Variants in ARHGAP19 observed in about 807,000 individuals in gnomAD.
The protein encoded by ARHGAP19 is rho GTPase-activating protein 19.
Under a neutral mutation model 60.9 loss-of-function variants are expected in ARHGAP19, and 48 were observed. That is an observed-to-expected ratio of 0.79 (90% CI 0.62 to 1.00). ARHGAP19 has a LOEUF of 1.00. Among genes scored for constraint, ARHGAP19 ranks in the 50% least tolerant of loss-of-function variants. ARHGAP19 has a pLI of 0.00. For synonymous variants in ARHGAP19, 209 were observed against 215.5 expected, an observed-to-expected ratio of 0.97 and a Z score of 0.27; for missense variants, 562 against 597.2, an observed-to-expected ratio of 0.94 and a Z score of 0.61.
intron 1 of ARHGAP19, 55 bp from the exon 2 acceptor site, chr10:97,266,180 C>A: frequency 6.3e-7 from 1 of 1,593,312 alleles, no homozygotes; most frequent in Non-Finnish European, 8.5e-7. Context: ...GTTTCTTATG[C>A]ACTACTCATT....
In ARHGAP19 at chr10:97,259,619, T is replaced by C. The variant is rs1456218224; in HGVS notation, c.623A>G (p.Gln208Arg). 1 of 1,613,754 alleles carries C rather than the reference T, an allele frequency of 6.2e-7. No individual in the cohort carries two copies. The highest frequency in any genetic ancestry group is 8.5e-7 in the Non-Finnish European group (1 of 1,179,818). ...NAHLKIADLM[Q>R]FDDKGNKTNI... ...GGTCTTGTTTCCTTTATCATCAAACTGCATCAAATCTTGAGGACAAAAGAG... is the reference window on the plus strand; with the variant it reads ...GGTCTTGTTTCCTTTATCATCAAACCGCATCAAATCTTGAGGACAAAAGAG... Residue 208 changes from glutamine (Q) to arginine (R), a missense_variant, in exon 5 of 12, where the codon CAG (glutamine) becomes CGG (arginine). Transcript: ENST00000358531.
intron 1 of ARHGAP19, among the ~76,000 whole-genome samples, chr10:97,267,176 G>C (rs1347526413): frequency 6.6e-6 from 1 of 152,216 alleles, no homozygotes; most frequent in Non-Finnish European, 1.5e-5. Flanking sequence ...CCAAATGGGA[G>C]AAATTGGCCA....
At chr10:97,237,916 T>C (rs1182541516) in intron 8 of ARHGAP19, among the ~76,000 whole-genome samples, 1 of 152,082 alleles carries the variant, frequency 6.6e-6, no homozygotes, top group Non-Finnish European at 1.5e-5. Flanking sequence ...ATAATGTTAC[T>C]GGTTTATGTA....
At chr10:97,262,245 G>GGGACTGGGT (rs1564722984) in intron 4 of ARHGAP19, among the ~76,000 whole-genome samples, 1 of 151,636 alleles carries the variant, frequency 6.6e-6, no homozygotes, top group Non-Finnish European at 1.5e-5. Context: ...ACTGGTGTTG[G>GGGACTGGGT]GGACTGGGTG....
In ARHGAP19 at chr10:97,224,835, A is replaced by G. The variant is rs950450966; in HGVS notation, c.*1287T>C. On this transcript the variant is annotated 3_prime_UTR_variant, in exon 12 of 12. Coordinates refer to ENST00000358531, the MANE Select transcript of ARHGAP19 (RefSeq NM_032900.6). ...TAGGTCAAAGCCATGCCACTGCTCT[A>G]TCCAACACAAGTGAACACACCAAAT... The G allele has an allele frequency of 2.6e-5, 4 of 152,334 alleles. No individual in the cohort carries two copies. Among genetic ancestry groups the G allele is most frequent in the African/African-American group, 9.7e-5 (4 of 41,450 alleles). The allele number at this position is 152,334 out of a possible 1,614,324, so 9.4% of individuals were successfully genotyped here. A position where few individuals can be genotyped will look rare whatever the true frequency, so the allele number is the denominator to read the frequency against.
rs1166053974 is a variant in ARHGAP19 at position 97,222,723 on chromosome 10, T to C, written c.*3399A>G. ...AAATGCTAGTATCTAGGTTTAGATC[T>C]AGGTCCTGTCTTCCGTTTGAAGCCT... is the stretch of plus-strand genomic sequence containing the variant. On this transcript the variant is annotated 3_prime_UTR_variant, in exon 12 of 12. Transcript: ENST00000358531. The C allele has an allele frequency of 1.3e-5, 2 of 152,188 alleles. No homozygotes were observed. Among genetic ancestry groups the C allele is most frequent in the South Asian group, 2.1e-4 (1 of 4,830 alleles). The allele number at this position is 152,188 out of a possible 1,614,324, so 9.4% of individuals were successfully genotyped here.
chr10:97,226,094 T>C lies in ARHGAP19; in HGVS notation c.*28A>G. 1.9e-6 allele frequency: 3 copies of C among 1,612,910 alleles called. No homozygotes were observed. Among genetic ancestry groups the C allele is most frequent in the Non-Finnish European group, 2.5e-6 (3 of 1,179,200 alleles). On this transcript the variant is annotated 3_prime_UTR_variant, in exon 12 of 12. Coordinates refer to ENST00000358531, the MANE Select transcript of ARHGAP19 (RefSeq NM_032900.6). ...TGCCCACTAAACAGAAAATTCTGCA[T>C]GGACCATAGGAGACAACTCTGGATC...
intron 1 of ARHGAP19, among the ~76,000 whole-genome samples, chr10:97,280,793 C>A (rs952180702): frequency 5.3e-5 from 8 of 152,102 alleles, no homozygotes; most frequent in Non-Finnish European, 1.2e-4. Flanking sequence ...CTATGTTGAC[C>A]ACACTAGTCT....
chr10:97,285,377 G>A (rs1272827731), intron 1 of ARHGAP19, among the ~76,000 whole-genome samples: 1 of 151,746 alleles, frequency 6.6e-6, no homozygotes, highest in Non-Finnish European at 1.5e-5. Flanking sequence ...CAGTCACCCA[G>A]GCCAGAGTGT....
At chr10:97,238,858 C>T (rs1224957411) in intron 8 of ARHGAP19, among the ~76,000 whole-genome samples, 1 of 152,182 alleles carries the variant, frequency 6.6e-6, no homozygotes, top group African/African-American at 2.4e-5. Flanking sequence ...TACTGACACA[C>T]CTAGAGTAAC....
chr10:97,261,843 C>T (rs557190758), intron 4 of ARHGAP19, among the ~76,000 whole-genome samples: 3 of 152,200 alleles, frequency 2.0e-5, no homozygotes, highest in African/African-American at 4.8e-5. Flanking sequence ...GCATAACAGA[C>T]GTGCAATTTA....
At chr10:97,263,689 A>C in intron 3 of ARHGAP19, 60 bp from the exon 4 acceptor site, 3 of 1,516,610 alleles carry the variant, frequency 2.0e-6, no homozygotes, top group Non-Finnish European at 2.7e-6. Flanking sequence ...ATTATTATTA[A>C]AATAAATGGT....
At chr10:97,247,731 AG>A (rs146678167) in intron 6 of ARHGAP19, among the ~76,000 whole-genome samples, 44,770 of 151,872 alleles carry the variant, frequency 0.29, 7,020 homozygotes, top group Middle Eastern at 0.37. Context: ...GATGGAGAGA[AG>A]GAAGAAACAC....
intron 9 of ARHGAP19, among the ~76,000 whole-genome samples, chr10:97,233,589 C>T (rs973197729): frequency 6.6e-6 from 1 of 152,134 alleles, no homozygotes; most frequent in Non-Finnish European, 1.5e-5. Flanking sequence ...AGGAGCTGGC[C>T]GGGTGCAGTG....
chr10:97,239,555 T>A (rs1310877492), intron 8 of ARHGAP19, among the ~76,000 whole-genome samples: 1 of 4,560 alleles, frequency 2.2e-4, no homozygotes, highest in East Asian at 0.01. Context: ...AGAGAGGGTG[T>A]GTGTGTGTGT....
chr10:97,266,167 T>C (rs767048643), intron 1 of ARHGAP19, 42 bp from the exon 2 acceptor site: 18 of 1,604,352 alleles, frequency 1.1e-5, no homozygotes, highest in Non-Finnish European at 1.2e-5. Context: ...ATCATTTTTG[T>C]ATGTTTCTTA....
rs768174288 is a variant in ARHGAP19 at position 97,259,587 on chromosome 10, G to A, written c.655C>T (p.Pro219Ser). 11 of 1,614,022 alleles carry A rather than the reference G, an allele frequency of 6.8e-6. No individual in the cohort carries two copies. Among genetic ancestry groups the A allele is most frequent in the Non-Finnish European group, 7.6e-6 (9 of 1,180,020 alleles). ...FDDKGNKTNIPDKDRQIEALQ... is the reference protein window; with the variant it reads ...FDDKGNKTNISDKDRQIEALQ... The stretch of plus-strand genomic sequence containing the variant: ...GCCTCAATTTGCCGGTCCTTGTCTG[G>A]TATATTGGTCTTGTTTCCTTTATCA... Residue 219 changes from proline (P) to serine (S), a missense_variant, in exon 5 of 12, where the codon CCA (proline) becomes TCA (serine). By Grantham distance (74) the Pro-to-Ser change is moderately conservative. Transcript: ENST00000358531.
chr10:97,266,595 A>G (rs151134133), intron 1 of ARHGAP19, among the ~76,000 whole-genome samples: 16 of 152,218 alleles, frequency 1.1e-4, no homozygotes, highest in African/African-American at 3.6e-4. Context: ...GTATTAGTCC[A>G]TTTTCATACT....
At position 97,226,008 on chromosome 10, in the gene ARHGAP19, C is replaced by A; in HGVS notation, c.*114G>T. 8.4e-7 allele frequency: 1 copy of A among 1,190,132 alleles called. No homozygotes were observed. The highest frequency in any genetic ancestry group is 1.3e-5 in the South Asian group (1 of 75,942). The allele number at this position is 1,190,132 out of a possible 1,614,324, so 73.7% of individuals were successfully genotyped here. A position where few individuals can be genotyped will look rare whatever the true frequency, so the allele number is the denominator to read the frequency against. ...GGGTCACGGTATTAGTTGGCTTTGA[C>A]AATTCAAAATGCAGCAAGCAAGCTG... is the stretch of plus-strand genomic sequence containing the variant. On this transcript the variant is annotated 3_prime_UTR_variant, in exon 12 of 12. Transcript: ENST00000358531.
Sources: allele counts gnomAD v4.1 joint callset (sites outside exome capture counted in the v4.1 genomes callset), GRCh38; gene constraint gnomAD v4.1.1; transcripts MANE v1.5; gene names NCBI Gene and HGNC (gene_info 2026-07-23, HGNC 2026-07-21).